Variants in SPAG16 observed in about 807,000 individuals in gnomAD.
SPAG16 encodes the protein sperm associated antigen 16, also known as sperm-associated antigen 16 protein.
In SPAG16, 86 loss-of-function variants were observed where a neutral mutation model predicts 80.4. The ratio of observed to expected loss-of-function variants is 1.07; its 90% CI spans 0.90 to 1.28. SPAG16 has a LOEUF of 1.28. SPAG16 is among the 50% of genes most tolerant of loss of function. The pLI, the probability that SPAG16 is intolerant of heterozygous loss-of-function variation, is 0.00. For missense variants in SPAG16, 870 were observed against 765.3 expected (o/e 1.14, Z -1.61); for synonymous variants, 294 against 265.9 (o/e 1.11, Z -1.03).
At chr2:213,406,833 C>T (rs1402382985) in intron 9 of SPAG16, among the ~76,000 whole-genome samples, 4 of 151,784 alleles carry the variant, frequency 2.6e-5, no homozygotes. Context: ...TCTCTCCTCT[C>T]TCGTGAGGAG....
intron 11 of SPAG16, among the ~76,000 whole-genome samples, chr2:213,878,699 T>C (rs1008544623): frequency 1.3e-5 from 2 of 152,220 alleles, no homozygotes; most frequent in African/African-American, 4.8e-5. Flanking sequence ...TGCTTGTGCT[T>C]CTGAGGTCTT....
chr2:213,530,445 C>T (rs1039673024), intron 10 of SPAG16, among the ~76,000 whole-genome samples: 1 of 152,138 alleles, frequency 6.6e-6, no homozygotes, highest in African/African-American at 2.4e-5. Context: ...TTATGTAGCG[C>T]ATGACTGTAA....
At chr2:214,056,558 G>C (rs1191429025) in intron 13 of SPAG16, among the ~76,000 whole-genome samples, 6 of 151,840 alleles carry the variant, frequency 4.0e-5, no homozygotes, top group Non-Finnish European at 8.8e-5. Flanking sequence ...AATCAACTGA[G>C]CCTTCAGCAA....
At chr2:214,232,250 A>G (rs1296542156) in intron 15 of SPAG16, among the ~76,000 whole-genome samples, 1 of 152,050 alleles carries the variant, frequency 6.6e-6, no homozygotes, top group Non-Finnish European at 1.5e-5. Context: ...TCAAATTTAG[A>G]ATTTCAAGCT....
In SPAG16 at chr2:213,883,846, G is replaced by T. The variant is rs142289799; in HGVS notation, c.1214+21218G>T. ...AGAATAGTGACTCCTGTACTTTTAT[G>T]CTTTCTGTTTTTATAGTAGATCTTT... On this transcript the variant is annotated intron_variant, in intron 11 of 15. Transcript: ENST00000331683. 7.9e-3 allele frequency among the ~76,000 whole-genome samples: 1,208 copies of T among 152,128 alleles called. 12 individuals carry two copies. The highest frequency in any genetic ancestry group is 0.027 in the Middle Eastern group (8 of 294).
At chr2:214,007,049 C>A (rs2047058339) in intron 12 of SPAG16, among the ~76,000 whole-genome samples, 1 of 151,986 alleles carries the variant, frequency 6.6e-6, no homozygotes, top group Non-Finnish European at 1.5e-5. Context: ...CAGCATTTTA[C>A]CAATAGTGTA....
At chr2:213,823,949 T>C (rs969673489) in intron 10 of SPAG16, among the ~76,000 whole-genome samples, 1 of 152,222 alleles carries the variant, frequency 6.6e-6, no homozygotes, top group Non-Finnish European at 1.5e-5. Flanking sequence ...TGGCTTTTGT[T>C]GCAATTGCTT....
At chr2:213,754,643 AAAAT>A (rs1483294708) in intron 10 of SPAG16, among the ~76,000 whole-genome samples, 1 of 151,958 alleles carries the variant, frequency 6.6e-6, no homozygotes, top group Non-Finnish European at 1.5e-5. Context: ...TTCATATTTT[AAAAT>A]AAATATGAAA....
At chr2:213,855,202 T>A (rs1451714627) in intron 10 of SPAG16, among the ~76,000 whole-genome samples, 2 of 152,366 alleles carry the variant, frequency 1.3e-5, no homozygotes, top group African/African-American at 4.8e-5. Context: ...ACCAGTTCTT[T>A]AGAAACTTCA....
intron 5 of SPAG16, among the ~76,000 whole-genome samples, chr2:213,334,125 T>G (rs1489095901): frequency 6.6e-6 from 1 of 151,982 alleles, no homozygotes; most frequent in Non-Finnish European, 1.5e-5. Context: ...AAAAGTCTAA[T>G]ACTCCAATTA....
chr2:213,317,538 A>G, intron 5 of SPAG16, 182 bp downstream of exon 5: 1 of 1,273,522 alleles, frequency 7.9e-7, no homozygotes, highest in Non-Finnish European at 9.9e-7. Context: ...AACTATCACA[A>G]TTATAACTTA....
chr2:213,749,394 C>T (rs2067982104), intron 10 of SPAG16, among the ~76,000 whole-genome samples: 1 of 152,012 alleles, frequency 6.6e-6, no homozygotes, highest in African/African-American at 2.4e-5. Context: ...ATCAGTTATC[C>T]AAACAAGCTT....
At chr2:214,059,238 A>ATG (rs1553706218) in intron 13 of SPAG16, among the ~76,000 whole-genome samples, 2 of 112,684 alleles carry the variant, frequency 1.8e-5, no homozygotes, top group African/African-American at 3.4e-5. Context: ...ATATATATAT[A>ATG]TATGTATGTA....
At chr2:213,365,701 G>A (rs368301888) in intron 8 of SPAG16, among the ~76,000 whole-genome samples, 11 of 151,788 alleles carry the variant, frequency 7.2e-5, no homozygotes, top group East Asian at 2.0e-4. Context: ...GAAGTGATCC[G>A]CCTGCCTCAG....
chr2:214,193,436 A>T lies in SPAG16; in HGVS notation c.1720+44170A>T, dbSNP rs1293572084. Among the ~76,000 whole-genome samples, 115 of 132,492 alleles carry T rather than the reference A, an allele frequency of 8.7e-4. No homozygotes were observed. The South Asian group carries it at 0.011, about 13-fold the overall frequency. The allele number at this position is 132,492 out of a possible 152,430, so 86.9% of individuals were successfully genotyped here. On this transcript the variant is annotated intron_variant, in intron 15 of 15. Transcript: ENST00000331683. The stretch of plus-strand genomic sequence containing the variant: ...GTGTGTGTGTGTGTATGAGAGAGAG[A>T]GAGAGAGAGAGAGAGAGAGAGAGAG...
chr2:214,192,243 A>G (rs2125699066), intron 15 of SPAG16, among the ~76,000 whole-genome samples: 1 of 152,250 alleles, frequency 6.6e-6, no homozygotes. Flanking sequence ...AGGCACGCAA[A>G]TGATTGATAT....
At chr2:213,792,953 G>A (rs539351203) in intron 10 of SPAG16, among the ~76,000 whole-genome samples, 22 of 150,876 alleles carry the variant, frequency 1.5e-4, no homozygotes, top group African/African-American at 5.4e-4. Flanking sequence ...TTGAGATGAA[G>A]TCTCACTCTT....
chr2:213,688,199 A>G (rs2064776819), intron 10 of SPAG16, among the ~76,000 whole-genome samples: 2 of 152,192 alleles, frequency 1.3e-5, no homozygotes, highest in South Asian at 4.1e-4. Flanking sequence ...ACAGAAAGGA[A>G]ATGTTCAGGT....
chr2:213,287,638 G>A (rs1446310939), intron 1 of SPAG16, among the ~76,000 whole-genome samples: 1 of 152,162 alleles, frequency 6.6e-6, no homozygotes, highest in African/African-American at 2.4e-5. Flanking sequence ...GATGGTAGGT[G>A]TAAGTTTACT....
Sources: allele counts gnomAD v4.1 joint callset (sites outside exome capture counted in the v4.1 genomes callset), GRCh38; gene constraint gnomAD v4.1.1; transcripts MANE v1.5; gene names NCBI Gene and HGNC (gene_info 2026-07-23, HGNC 2026-07-21).